Variants in ARHGAP26 observed in about 807,000 individuals in gnomAD.
The protein encoded by ARHGAP26 is rho GTPase-activating protein 26.
In ARHGAP26, 38 loss-of-function variants were observed where a neutral mutation model predicts 104.8. The ratio of observed to expected loss-of-function variants is 0.36; its 90% CI spans 0.28 to 0.48. The LOEUF (loss-of-function observed/expected upper bound fraction) is 0.48. Among genes scored for constraint, ARHGAP26 ranks in the 20% least tolerant of loss-of-function variants. The pLI is 0.99. For synonymous variants in ARHGAP26, 341 were observed against 340.0 expected (o/e 1.00, Z -0.03); for missense variants, 704 against 947.9 (o/e 0.74, Z 3.38).
intron 17 of ARHGAP26, among the ~76,000 whole-genome samples, chr5:143,062,960 T>C (rs1352901360): frequency 3.3e-5 from 5 of 152,214 alleles, no homozygotes; most frequent in African/African-American, 1.2e-4. Context: ...AAACAGTATG[T>C]TGTGATGATG....
At chr5:143,031,107 G>A (rs1781774957) in intron 12 of ARHGAP26, among the ~76,000 whole-genome samples, 1 of 152,254 alleles carries the variant, frequency 6.6e-6, no homozygotes, top group Non-Finnish European at 1.5e-5. Context: ...TCTGTGCTGG[G>A]GAGAAAGCAT....
intron 11 of ARHGAP26, among the ~76,000 whole-genome samples, chr5:142,949,377 C>T (rs1009416433): frequency 1.1e-4 from 17 of 151,956 alleles, no homozygotes; most frequent in Non-Finnish European, 2.1e-4. Flanking sequence ...CTCACCAGTT[C>T]CAGTAAGCCT....
At chr5:143,210,882 G>T (rs1364093219) in intron 21 of ARHGAP26, among the ~76,000 whole-genome samples, 1 of 133,496 alleles carries the variant, frequency 7.5e-6, no homozygotes, top group Non-Finnish European at 1.7e-5. Context: ...CCCAGCTGAG[G>T]TCTGAAGGGC....
At chr5:143,009,584 T>C (rs1778452643) in intron 11 of ARHGAP26, among the ~76,000 whole-genome samples, 1 of 152,252 alleles carries the variant, frequency 6.6e-6, no homozygotes. Flanking sequence ...GTCATCATCA[T>C]CATTATTAAT....
At chr5:143,167,912 C>A (rs1002082259) in intron 20 of ARHGAP26, among the ~76,000 whole-genome samples, 1 of 152,102 alleles carries the variant, frequency 6.6e-6, no homozygotes, top group African/African-American at 2.4e-5. Context: ...TATGTAAACA[C>A]ATTAAAGATG....
intron 20 of ARHGAP26, among the ~76,000 whole-genome samples, chr5:143,162,020 A>G (rs1801293778): frequency 6.6e-6 from 1 of 152,218 alleles, no homozygotes; most frequent in African/African-American, 2.4e-5. Context: ...CGTCACAGAC[A>G]AAGATGAGTA....
intron 20 of ARHGAP26, among the ~76,000 whole-genome samples, chr5:143,167,850 G>T (rs1035997308): frequency 6.6e-6 from 1 of 152,106 alleles, no homozygotes; most frequent in African/African-American, 2.4e-5. Flanking sequence ...CATTTTTTGA[G>T]CTTTTTTTTA....
At chr5:142,838,138 A>G (rs1198671537) in intron 1 of ARHGAP26, among the ~76,000 whole-genome samples, 2 of 152,078 alleles carry the variant, frequency 1.3e-5, no homozygotes, top group East Asian at 3.9e-4. Flanking sequence ...GGCACCTATA[A>G]TCCCAGCTAC....
chr5:143,107,930 T>G (rs1794248193), intron 17 of ARHGAP26, among the ~76,000 whole-genome samples: 1 of 152,236 alleles, frequency 6.6e-6, no homozygotes, highest in Admixed American at 6.5e-5. Context: ...AAGAACTTTA[T>G]TGGCTTCATT....
chr5:142,865,376 A>G (rs1414863442), intron 1 of ARHGAP26, among the ~76,000 whole-genome samples: 2 of 152,142 alleles, frequency 1.3e-5, no homozygotes, highest in East Asian at 1.9e-4. Flanking sequence ...GGAAAAGCCA[A>G]TACAGCACTT....
At chr5:142,837,423 C>A (rs1769803339) in intron 1 of ARHGAP26, among the ~76,000 whole-genome samples, 1 of 152,102 alleles carries the variant, frequency 6.6e-6, no homozygotes, top group South Asian at 2.1e-4. Context: ...CTTCTACCAC[C>A]CACCCTGGGT....
chr5:143,222,224 C>T (rs181614132), intron 22 of ARHGAP26, 134 bp from the exon 23 acceptor site: 91 of 490,058 alleles, frequency 1.9e-4, no homozygotes, highest in African/African-American at 1.5e-3. Context: ...AGTGATTGTA[C>T]TCATTGTCCA....
intron 19 of ARHGAP26, among the ~76,000 whole-genome samples, chr5:143,134,468 G>A (rs1033512073): frequency 5.3e-5 from 8 of 151,936 alleles, no homozygotes; most frequent in African/African-American, 1.9e-4. Flanking sequence ...TCCTTTTCTC[G>A]GTTGTAATGA....
chr5:142,890,145 AAAAAAAATATATATATATATAT>A (rs1350297603), intron 5 of ARHGAP26, among the ~76,000 whole-genome samples: 2 of 84,706 alleles, frequency 2.4e-5, no homozygotes, highest in African/African-American at 1.0e-4. Context: ...TTAAAAAAAA[AAAAAAAATATATATATATATAT>A]ATATATATAT....
intron 1 of ARHGAP26, 106 bp from the exon 2 acceptor site, chr5:142,873,294 C>T (rs1201615076): frequency 1.3e-6 from 1 of 749,150 alleles, no homozygotes; most frequent in Non-Finnish European, 2.2e-6. Flanking sequence ...GACTCAGGAA[C>T]AAATCCGCCT....
chr5:143,184,821 G>A (rs1359566196), intron 20 of ARHGAP26, among the ~76,000 whole-genome samples: 4 of 152,230 alleles, frequency 2.6e-5, no homozygotes, highest in Admixed American at 2.6e-4. Context: ...AAGGGGAGAG[G>A]AGGGAAGGAA....
chr5:143,184,499 T>C (rs1804853326), intron 20 of ARHGAP26, among the ~76,000 whole-genome samples: 1 of 152,198 alleles, frequency 6.6e-6, no homozygotes, highest in Admixed American at 6.5e-5. Flanking sequence ...GTATCTACTA[T>C]ATAAAAGCTC....
At chr5:143,146,659 T>C (rs1017832779) in intron 19 of ARHGAP26, among the ~76,000 whole-genome samples, 3 of 152,214 alleles carry the variant, frequency 2.0e-5, no homozygotes, top group Non-Finnish European at 4.4e-5. Context: ...ACCAAGTACA[T>C]GGAGCTAGAG....
rs768045852 is a variant in ARHGAP26 at position 142,878,523 on chromosome 5, ATG to A, written c.313-838_313-837del. On this transcript the variant is annotated intron_variant, in intron 3 of 22. Transcript: ENST00000645722. ...GAGCCTTTACAAGATACTGATGTGTATGTGTGTGTGTGTGCACGCATGTGTGT... is the reference window on the plus strand; with the variant it reads ...GAGCCTTTACAAGATACTGATGTGTATGTGTGTGTGTGCACGCATGTGTGT... Among the ~76,000 whole-genome samples, 6 of 142,098 alleles carry A rather than the reference ATG, an allele frequency of 4.2e-5. No homozygotes were observed. The East Asian group carries it at 7.0e-4, about 17-fold the overall frequency. The allele number at this position is 142,098 out of a possible 152,430, so 93.2% of individuals were successfully genotyped here.
Sources: gnomAD v4.1 joint callset for allele counts (sites outside exome capture counted in the v4.1 genomes callset) on GRCh38, gnomAD v4.1.1 for gene constraint, MANE v1.5 for transcripts, NCBI Gene and HGNC (gene_info 2026-07-23, HGNC 2026-07-21) for gene names.